The following ERBB4 variants were observed in gnomAD, a reference collection of about 807,000 sequenced individuals.
The protein encoded by ERBB4 is erb-b2 receptor tyrosine kinase 4.
In ERBB4, 42 loss-of-function variants were observed where a neutral mutation model predicts 158.0. The ratio of observed to expected loss-of-function variants is 0.27; its 90% CI spans 0.21 to 0.34. ERBB4 has a LOEUF of 0.34. Among genes scored for constraint, ERBB4 ranks in the 10% least tolerant of loss-of-function variants. ERBB4 has a pLI of 1.00. For missense variants in ERBB4, 1,333 were observed against 1,624.1 expected (o/e 0.82, Z 3.08); for synonymous variants, 583 against 558.7 (o/e 1.04, Z -0.61).
At chr2:211,998,436 A>AT (rs1297714595) in intron 2 of ERBB4, among the ~76,000 whole-genome samples, 1 of 151,550 alleles carries the variant, frequency 6.6e-6, no homozygotes, top group Non-Finnish European at 1.5e-5. Context: ...GATAAACACA[A>AT]TTATTAACTC....
chr2:211,850,195 G>A (rs562815945), intron 3 of ERBB4, among the ~76,000 whole-genome samples: 4 of 151,862 alleles, frequency 2.6e-5, no homozygotes, highest in African/African-American at 9.6e-5. Flanking sequence ...CAATAATCCA[G>A]TGAGAATTCC....
At chr2:211,836,920 G>A (rs2077356328) in intron 3 of ERBB4, among the ~76,000 whole-genome samples, 1 of 151,958 alleles carries the variant, frequency 6.6e-6, no homozygotes, top group East Asian at 1.9e-4. Flanking sequence ...GAGCCAAATA[G>A]TTAAGTACAG....
chr2:211,459,787 A>G (rs930711221), intron 20 of ERBB4, among the ~76,000 whole-genome samples: 5 of 152,146 alleles, frequency 3.3e-5, no homozygotes, highest in African/African-American at 1.2e-4. Context: ...GAGCATGAAA[A>G]TGGACTAATA....
At chr2:211,798,060 T>C (rs1295770648) in intron 3 of ERBB4, among the ~76,000 whole-genome samples, 1 of 151,970 alleles carries the variant, frequency 6.6e-6, no homozygotes. Flanking sequence ...GTATACAATA[T>C]TTGTACATCT....
intron 1 of ERBB4, among the ~76,000 whole-genome samples, chr2:212,295,447 T>A (rs143019352): frequency 6.6e-6 from 1 of 152,098 alleles, no homozygotes; most frequent in African/African-American, 2.4e-5. Context: ...CTGATTATAT[T>A]ATCTTCATGT....
chr2:211,734,427 T>C (rs933651455), intron 5 of ERBB4, among the ~76,000 whole-genome samples: 2 of 152,010 alleles, frequency 1.3e-5, no homozygotes, highest in Admixed American at 6.6e-5. Context: ...TGTATGTAAA[T>C]TCACATGTGA....
At chr2:211,773,252 A>G (rs979808394) in intron 4 of ERBB4, among the ~76,000 whole-genome samples, 2 of 151,358 alleles carry the variant, frequency 1.3e-5, no homozygotes, top group Non-Finnish European at 2.9e-5. Flanking sequence ...ATTTACTCCA[A>G]GTTTTTGGTT....
chr2:212,405,430 T>G lies in ERBB4; in HGVS notation c.82+133019A>C, dbSNP rs957674897. ...ACTATGTGGAAAGCAGTACAGTGAT[T>G]CCTCAGAGAACTAAAGGCAGAACTA... On this transcript the variant is annotated intron_variant, in intron 1 of 27. Coordinates refer to ENST00000342788, the MANE Select transcript of ERBB4 (RefSeq NM_005235.3). Among the ~76,000 whole-genome samples, 5 of 152,058 alleles carry G rather than the reference T, an allele frequency of 3.3e-5. No individual in the cohort carries two copies. The East Asian group carries it at 9.6e-4, about 29-fold the overall frequency.
Position 212,373,950 on chromosome 2 carries a change from T to TATCCATATATATC in ERBB4, c.82+164498_82+164499insGATATATATGGAT, listed in dbSNP as rs1553627741. Among the ~76,000 whole-genome samples, 488 of 64,588 alleles carry TATCCATATATATC rather than the reference T, an allele frequency of 7.6e-3. 77 individuals are homozygous for TATCCATATATATC. Among genetic ancestry groups the TATCCATATATATC allele is most frequent in the Middle Eastern group, 0.019 (1 of 52 alleles). 42.4% of individuals were successfully genotyped at this position (64,588 alleles called of 152,430 possible). On this transcript the variant is annotated intron_variant, in intron 1 of 27. Transcript: ENST00000342788. ...ATATCCATATATATCCATATATATA[T>TATCCATATATATC]CATATATATATCCATATATATCCAT...
At chr2:211,856,875 T>C (rs1204042051) in intron 3 of ERBB4, among the ~76,000 whole-genome samples, 1 of 152,164 alleles carries the variant, frequency 6.6e-6, no homozygotes, top group Non-Finnish European at 1.5e-5. Context: ...GAAAACAAAG[T>C]AGAAGAAATA....
chr2:211,758,671 A>G (rs10932396), intron 4 of ERBB4, among the ~76,000 whole-genome samples: 65,203 of 152,048 alleles, frequency 0.43, 14,643 homozygotes, highest in Middle Eastern at 0.55. Flanking sequence ...GAAACCAATA[A>G]CAACAATAAT....
intron 4 of ERBB4, among the ~76,000 whole-genome samples, chr2:211,763,673 C>T (rs897412968): frequency 6.6e-6 from 1 of 151,876 alleles, no homozygotes; most frequent in Non-Finnish European, 1.5e-5. Flanking sequence ...GTTTTTGTTA[C>T]AGATTGCTAG....
At chr2:212,494,112 A>T (rs1024018073) in intron 1 of ERBB4, among the ~76,000 whole-genome samples, 1 of 151,954 alleles carries the variant, frequency 6.6e-6, no homozygotes, top group African/African-American at 2.4e-5. Context: ...TAACAAAGGC[A>T]ATCTTTTTCC....
At chr2:211,612,220 A>T (rs972783198) in intron 19 of ERBB4, among the ~76,000 whole-genome samples, 1 of 124,822 alleles carries the variant, frequency 8.0e-6, no homozygotes, top group East Asian at 2.4e-4. Flanking sequence ...GAGAATAATA[A>T]GTCTTTAAAA....
At chr2:212,470,877 A>G (rs1445211494) in intron 1 of ERBB4, among the ~76,000 whole-genome samples, 1 of 152,128 alleles carries the variant, frequency 6.6e-6, no homozygotes, top group African/African-American at 2.4e-5. Context: ...AGCAGATACC[A>G]ATAAAAGCTA....
intron 1 of ERBB4, among the ~76,000 whole-genome samples, chr2:212,331,924 A>T (rs74944069): frequency 0.02 from 3,017 of 152,184 alleles, 94 homozygotes; most frequent in African/African-American, 0.069. Context: ...ATTCTGCTGG[A>T]GAACTTTCCA....
At chr2:212,128,050 C>G (rs1297156924) in intron 1 of ERBB4, among the ~76,000 whole-genome samples, 1 of 152,210 alleles carries the variant, frequency 6.6e-6, no homozygotes, top group Non-Finnish European at 1.5e-5. Flanking sequence ...ATCACTTTCT[C>G]TCTCTCCAGG....
chr2:212,474,342 T>C (rs533921703), intron 1 of ERBB4, among the ~76,000 whole-genome samples: 75 of 152,230 alleles, frequency 4.9e-4, no homozygotes, highest in African/African-American at 1.6e-3. Context: ...AAGTAGCTAT[T>C]TTCTGGTTAC....
intron 4 of ERBB4, among the ~76,000 whole-genome samples, chr2:211,762,572 A>G (rs2075442547): frequency 6.6e-6 from 1 of 152,216 alleles, no homozygotes; most frequent in African/African-American, 2.4e-5. Flanking sequence ...GATGTCACTG[A>G]TGTGGGGGTC....
Sources: gnomAD v4.1 joint callset for allele counts (sites outside exome capture counted in the v4.1 genomes callset) on GRCh38, gnomAD v4.1.1 for gene constraint, MANE v1.5 for transcripts, NCBI Gene and HGNC (gene_info 2026-07-23, HGNC 2026-07-21) for gene names.